The following FCRL4 variants were observed in gnomAD, a reference collection of about 807,000 sequenced individuals.
The protein encoded by FCRL4 is Fc receptor like 4.
A neutral mutation model predicts 64.1 loss-of-function variants in FCRL4; 43 were observed. The observed-to-expected ratio is 0.67, with a 90% confidence interval of 0.53 to 0.87. FCRL4 has a LOEUF of 0.87. FCRL4 is among the 40% of genes least tolerant of loss of function. The probability of loss-of-function intolerance (pLI) is 0.00; values close to 1 mark genes in which losing one functional copy is unlikely to be tolerated. For missense variants in FCRL4, 656 were observed against 613.5 expected, an observed-to-expected ratio of 1.07 and a Z score of -0.73; for synonymous variants, 253 against 239.8, an observed-to-expected ratio of 1.05 and a Z score of -0.51.
At chr1:157,587,225 G>C in intron 5 of FCRL4, 51 bp downstream of exon 5, 3 of 1,590,774 alleles carry the variant, frequency 1.9e-6, no homozygotes, top group Non-Finnish European at 2.6e-6. Context: ...TGCCTACAGA[G>C]CCCAAGGGGC....
chr1:157,597,833 T>C (rs1302666510), intron 1 of FCRL4, 81 bp downstream of exon 1: 2 of 1,113,930 alleles, frequency 1.8e-6, no homozygotes, highest in Non-Finnish European at 2.7e-6. Context: ...AAATCCATGA[T>C]TGCAGCAGCA....
Position 157,589,215 on chromosome 1 carries a change from AGCAAGC to A in FCRL4, c.290_295del (p.Arg97_Leu98del). On this transcript the variant is annotated inframe_deletion, in exon 3 of 12. Coordinates refer to ENST00000271532, the MANE Select transcript of FCRL4 (RefSeq NM_031282.3). The stretch of plus-strand genomic sequence containing the variant: ...ACCTTCTTTCTCACCTGAAGAAAAG[AGCAAGC>A]GCACAGGGTTACTTCGTGGGGAGCC... 6.2e-7 allele frequency: 1 copy of A among 1,613,212 alleles called. No homozygotes were observed. The highest frequency in any genetic ancestry group is 2.2e-5 in the East Asian group (1 of 44,846).
rs745381536 is a variant in FCRL4 at position 157,587,371 on chromosome 1, A to G, written c.752T>C (p.Val251Ala). The change falls in exon 5 of 12, where the codon GTC becomes GCC. Residue 251 changes from valine to alanine, a missense_variant. Transcript: ENST00000271532. Reference protein sequence around the residue: ...STYPELQLPTVWRENSGSYWC... With the variant: ...STYPELQLPTAWRENSGSYWC... ...ATAGGATCCTGAGTTTTCTCTCCAG[A>G]CGGTTGGGAGCTGGAGTTCCGGGTA... 2 of 1,614,204 alleles carry G rather than the reference A, an allele frequency of 1.2e-6. No homozygotes were observed. The highest frequency in any genetic ancestry group is 1.7e-6 in the Non-Finnish European group (2 of 1,180,032).
At chr1:157,580,861 A>C (rs1652543058) in intron 7 of FCRL4, among the ~76,000 whole-genome samples, 4 of 152,262 alleles carry the variant, frequency 2.6e-5, no homozygotes, top group Admixed American at 2.6e-4. Flanking sequence ...TCTAGAGCTG[A>C]AAAAGGTTCT....
intron 1 of FCRL4, 139 bp from the exon 2 acceptor site, chr1:157,596,487 G>A: frequency 1.0e-6 from 1 of 970,090 alleles, no homozygotes; most frequent in Non-Finnish European, 1.6e-6. Flanking sequence ...CAGGGAAGCG[G>A]GGAAACACAG....
intron 2 of FCRL4, among the ~76,000 whole-genome samples, chr1:157,595,420 CTCT>C (rs147408908): frequency 0.015 from 2,326 of 152,294 alleles, 53 homozygotes; most frequent in African/African-American, 0.054. Context: ...TGCAACTAGA[CTCT>C]TCTTTGCTCT....
Position 157,578,829 on chromosome 1 carries a change from C to G in FCRL4, c.1301G>C (p.Gly434Ala). 1 of 1,613,606 alleles carries G rather than the reference C, an allele frequency of 6.2e-7. No individual in the cohort carries two copies. Among genetic ancestry groups the G allele is most frequent in the Non-Finnish European group, 8.5e-7 (1 of 1,179,786 alleles). Residue 434 changes from glycine to alanine, a missense_variant, in exon 9 of 12, where the codon GGA becomes GCA. Transcript: ENST00000271532. ...AGGGCAGATGGAATGGGAGGACTCTCCTGGGCCTGGAGCGGGAGGGAGCCT... is the reference window on the plus strand; with the variant it reads ...AGGGCAGATGGAATGGGAGGACTCTGCTGGGCCTGGAGCGGGAGGGAGCCT... ...ETRLPPAPGP[G>A]ESSHSICPAQ...
At chr1:157,581,686 A>G (rs1198257197) in intron 6 of FCRL4, 42 bp from the exon 7 acceptor site, 4 of 1,520,492 alleles carry the variant, frequency 2.6e-6, no homozygotes, top group South Asian at 2.3e-5. Context: ...GGAGAGGTTC[A>G]GGGTTTGGGA....
chr1:157,586,510 G>T, intron 5 of FCRL4, 55 bp from the exon 6 acceptor site: 2 of 1,513,982 alleles, frequency 1.3e-6, no homozygotes, highest in Admixed American at 2.0e-5. Context: ...GGCAGGGCTA[G>T]GTAGCTGGGG....
intron 8 of FCRL4, among the ~76,000 whole-genome samples, chr1:157,580,002 T>C (rs1377098209): frequency 1.3e-5 from 2 of 152,242 alleles, no homozygotes; most frequent in African/African-American, 4.8e-5. Flanking sequence ...AGTCATTGTA[T>C]GCATAATTAT....
chr1:157,580,205 G>A, intron 8 of FCRL4, 116 bp downstream of exon 8: 1 of 1,086,354 alleles, frequency 9.2e-7, no homozygotes, highest in Non-Finnish European at 1.4e-6. Flanking sequence ...TGTGAAAATG[G>A]AAGTATCTAG....
intron 2 of FCRL4, among the ~76,000 whole-genome samples, chr1:157,593,064 C>G (rs1380826462): frequency 6.6e-6 from 1 of 152,096 alleles, no homozygotes; most frequent in Non-Finnish European, 1.5e-5. Flanking sequence ...GGGCAGGGAG[C>G]ATCACACACT....
Position 157,581,576 on chromosome 1 carries a change from G to C in FCRL4, c.1204C>G (p.Leu402Val), listed in dbSNP as rs1236721461. Residue 402 changes from leucine (L) to valine (V), a missense_variant, in exon 7 of 12, where the codon CTG (leucine) becomes GTG (valine). Physicochemically the swap from Leu to Val is conservative, Grantham distance 32. Coordinates refer to ENST00000271532, the MANE Select transcript of FCRL4 (RefSeq NM_031282.3). ...CAGTGAAACAGCAGGGCCACAGCCA[G>C]GAGAAGAGCACTGAGCAGCCCTCCA... is the stretch of plus-strand genomic sequence containing the variant. ...ATGGLLSALL[L>V]AVALLFHCWR... 1.9e-6 allele frequency: 3 copies of C among 1,614,132 alleles called. No individual in the cohort carries two copies. The highest frequency in any genetic ancestry group is 4.5e-5 in the East Asian group (2 of 44,874).
rs111851182 is a variant in FCRL4, at chr1:157,584,735, C to T, written c.1135+1433G>A. Among the ~76,000 whole-genome samples, 979 of 152,092 alleles carry T rather than the reference C, an allele frequency of 6.4e-3. 9 individuals carry two copies. Among genetic ancestry groups the T allele is most frequent in the African/African-American group, 0.021 (873 of 41,476 alleles). On this transcript the variant is annotated intron_variant, in intron 6 of 11. Transcript: ENST00000271532. ...AAGGGAGTTGAAGGGAAAGTTGAGC[C>T]GCATCTGGGCCATTCGCATAGCAAC...
rs1475562406 is a variant in FCRL4 at position 157,575,105 on chromosome 1, A to G, written c.*419T>C. 3.6e-6 allele frequency: 1 copy of G among 277,580 alleles called. No homozygotes were observed. Among genetic ancestry groups the G allele is most frequent in the Non-Finnish European group, 6.9e-6 (1 of 145,484 alleles). 17.2% of individuals were successfully genotyped at this position (277,580 alleles called of 1,614,324 possible). On this transcript the variant is annotated 3_prime_UTR_variant, in exon 12 of 12. Coordinates refer to ENST00000271532, the MANE Select transcript of FCRL4 (RefSeq NM_031282.3). ...AACTGATGCAAGTGAGTCTCCAGTG[A>G]GACAATGGTTGTAGATGTATTAAGC...
At chr1:157,577,520 T>C (rs934279521) in intron 10 of FCRL4, among the ~76,000 whole-genome samples, 5 of 152,180 alleles carry the variant, frequency 3.3e-5, no homozygotes, top group South Asian at 2.1e-4. Context: ...AAACAGTGGT[T>C]TTCAGATATT....
At chr1:157,590,575 TG>T (rs932970790) in intron 2 of FCRL4, among the ~76,000 whole-genome samples, 1 of 151,018 alleles carries the variant, frequency 6.6e-6, no homozygotes, top group Non-Finnish European at 1.5e-5. Flanking sequence ...TGGAGTACAG[TG>T]GCATGATCTC....
intron 6 of FCRL4, among the ~76,000 whole-genome samples, chr1:157,583,586 A>AG (rs1652610808): frequency 6.6e-6 from 1 of 152,218 alleles, no homozygotes; most frequent in Admixed American, 6.5e-5. Flanking sequence ...GTAAGGACAC[A>AG]GCAAGCAGGT....
chr1:157,585,395 C>CCTTCT (rs1652665322), intron 6 of FCRL4, among the ~76,000 whole-genome samples: 41 of 80,896 alleles, frequency 5.1e-4, no homozygotes, highest in African/African-American at 1.7e-3. Flanking sequence ...TCTTTCTTTC[C>CCTTCT]TTCTTTCTTT....
Sources: allele counts gnomAD v4.1 joint callset (sites outside exome capture counted in the v4.1 genomes callset), GRCh38; gene constraint gnomAD v4.1.1; transcripts MANE v1.5; gene names NCBI Gene and HGNC (gene_info 2026-07-23, HGNC 2026-07-21).